Variants in VMP1 observed in about 807,000 individuals in gnomAD.
The protein encoded by VMP1 is ectopic P-granules autophagy protein 3 homolog.
In VMP1, 11 loss-of-function variants were observed where a neutral mutation model predicts 56.0. The observed-to-expected ratio is 0.20, with a 90% CI of 0.12 to 0.32. VMP1 has a LOEUF of 0.32. Among genes scored for constraint, VMP1 ranks in the 10% least tolerant of loss-of-function variants. The pLI, the probability that VMP1 is intolerant of heterozygous loss-of-function variation, is 1.00. For synonymous variants in VMP1, 149 were observed against 165.0 expected, an observed-to-expected ratio of 0.90 and a Z score of 0.74; for missense variants, 296 against 490.3, an observed-to-expected ratio of 0.60 and a Z score of 3.74.
chr17:59,776,275 T>C (rs2036614921), intron 7 of VMP1, among the ~76,000 whole-genome samples: 1 of 152,072 alleles, frequency 6.6e-6, no homozygotes, highest in Admixed American at 6.6e-5. Flanking sequence ...TTTAATTAAA[T>C]ACAAAACTTT....
At position 59,839,748 on chromosome 17, in the gene VMP1, T is replaced by C; in HGVS notation, c.1078-20T>C. ...TAATGAAGCCTTTTTCATTGCATTG[T>C]TCTGCATTTATTTCTACAGGGAGAA... On this transcript the variant is annotated intron_variant, in intron 11 of 11. Coordinates refer to ENST00000262291, the MANE Select transcript of VMP1 (RefSeq NM_030938.5). 1 of 1,605,448 alleles carries C rather than the reference T, an allele frequency of 6.2e-7. No homozygotes were observed. The highest frequency in any genetic ancestry group is 8.5e-7 in the Non-Finnish European group (1 of 1,177,896).
intron 7 of VMP1, among the ~76,000 whole-genome samples, chr17:59,781,123 T>A (rs985438400): frequency 3.3e-5 from 5 of 152,216 alleles, no homozygotes; most frequent in African/African-American, 1.2e-4. Flanking sequence ...TTATAAATTA[T>A]CTGAGAGAGT....
intron 7 of VMP1, among the ~76,000 whole-genome samples, chr17:59,796,542 G>A (rs992491605): frequency 6.6e-6 from 1 of 152,004 alleles, no homozygotes; most frequent in Non-Finnish European, 1.5e-5. Context: ...TCTGAAAAAG[G>A]TTTCAATTTT....
At chr17:59,740,513 C>T (rs1035991783) in intron 5 of VMP1, among the ~76,000 whole-genome samples, 3 of 152,114 alleles carry the variant, frequency 2.0e-5, no homozygotes, top group African/African-American at 7.2e-5. Flanking sequence ...CTGCTTGGCT[C>T]AGAAGGGTAC....
At chr17:59,795,540 G>C (rs993933446) in intron 7 of VMP1, among the ~76,000 whole-genome samples, 3 of 146,764 alleles carry the variant, frequency 2.0e-5, no homozygotes, top group African/African-American at 7.6e-5. Flanking sequence ...GGTCGGGCAT[G>C]GTGGCTCATG....
intron 9 of VMP1, among the ~76,000 whole-genome samples, chr17:59,815,888 C>G (rs1402580615): frequency 6.8e-6 from 1 of 147,398 alleles, no homozygotes; most frequent in African/African-American, 2.5e-5. Flanking sequence ...ATTCTTCTTT[C>G]CAATGAAGGA....
chr17:59,717,490 C>T (rs1479707475), intron 1 of VMP1, among the ~76,000 whole-genome samples: 1 of 152,072 alleles, frequency 6.6e-6, no homozygotes, highest in African/African-American at 2.4e-5. Context: ...TCAAGCGATT[C>T]TTGTGCCTCA....
rs577900952 is a variant in VMP1 at position 59,839,588 on chromosome 17, G to C, written c.1078-180G>C. The C allele has an allele frequency of 1.2e-4, 82 of 683,550 alleles. 3 individuals carry two copies. In the South Asian group the frequency reaches 1.8e-3, roughly 15 times the overall value. The allele number at this position is 683,550 out of a possible 1,614,324, so 42.3% of individuals were successfully genotyped here. ...TTTACATCCAACAAAGTGAAATCTTGATAGTTGGGTGTAAAAAGGAGAGTA... is the reference window on the plus strand; with the variant it reads ...TTTACATCCAACAAAGTGAAATCTTCATAGTTGGGTGTAAAAAGGAGAGTA... On this transcript the variant is annotated intron_variant, in intron 11 of 11. Transcript: ENST00000262291.
At chr17:59,735,505 A>G (rs778281077) in intron 3 of VMP1, 32 bp downstream of exon 3, 1 of 1,610,752 alleles carries the variant, frequency 6.2e-7, no homozygotes, top group Non-Finnish European at 8.5e-7. Flanking sequence ...CCTTTTACAT[A>G]CACCTCATTT....
chr17:59,799,691 A>T (rs1040640632), intron 7 of VMP1, among the ~76,000 whole-genome samples: 11 of 152,178 alleles, frequency 7.2e-5, no homozygotes, highest in Admixed American at 2.0e-4. Context: ...GGCCGGGCGC[A>T]GTGGCTCACG....
chr17:59,734,448 G>A (rs144703782), intron 2 of VMP1, among the ~76,000 whole-genome samples: 301 of 152,294 alleles, frequency 2.0e-3, no homozygotes, highest in African/African-American at 7.0e-3. Flanking sequence ...ATAAAACTTA[G>A]GGGCTTGGCT....
rs745374306 is a variant in VMP1 at position 59,764,925 on chromosome 17, A to ATTT, written c.415-42_415-40dup. ...ATTTTTAAAATAATGTGTATTGATAATTTTTTAATAGTTCTTATCAGAAGT... is the reference window on the plus strand; with the variant it reads ...ATTTTTAAAATAATGTGTATTGATAATTTTTTTTTAATAGTTCTTATCAGAAGT... On this transcript the variant is annotated intron_variant, in intron 5 of 11. Transcript: ENST00000262291. 4 of 1,396,756 alleles carry ATTT rather than the reference A, an allele frequency of 2.9e-6. No individual in the cohort carries two copies. In the South Asian group the frequency reaches 5.5e-5, roughly 19 times the overall value. 86.5% of individuals were successfully genotyped at this position (1,396,756 alleles called of 1,614,324 possible). A position where few individuals can be genotyped will look rare whatever the true frequency, so the allele number is the denominator to read the frequency against.
chr17:59,742,951 T>TAAGACAA (rs2035283491), intron 5 of VMP1, among the ~76,000 whole-genome samples: 1 of 152,160 alleles, frequency 6.6e-6, no homozygotes, highest in African/African-American at 2.4e-5. Context: ...CTCAGGTCTG[T>TAAGACAA]GGAAAACTTG....
chr17:59,806,033 T>G (rs1352013495), intron 7 of VMP1, among the ~76,000 whole-genome samples: 1 of 152,158 alleles, frequency 6.6e-6, no homozygotes, highest in Non-Finnish European at 1.5e-5. Context: ...TAATTAAAAT[T>G]TCATAACTAG....
At chr17:59,828,374 G>A (rs140279605) in intron 10 of VMP1, among the ~76,000 whole-genome samples, 2 of 152,330 alleles carry the variant, frequency 1.3e-5, no homozygotes, top group African/African-American at 2.4e-5. Flanking sequence ...AAAATATGCT[G>A]TAAGGCAGTA....
chr17:59,763,474 CACA>C (rs1395623191), intron 5 of VMP1, among the ~76,000 whole-genome samples: 9 of 152,012 alleles, frequency 5.9e-5, no homozygotes, highest in Non-Finnish European at 1.3e-4. Context: ...GCTAAAACTT[CACA>C]TCGATTTTTT....
intron 7 of VMP1, among the ~76,000 whole-genome samples, chr17:59,798,729 A>G (rs553523918): frequency 6.6e-6 from 1 of 152,106 alleles, no homozygotes; most frequent in Non-Finnish European, 1.5e-5. Flanking sequence ...TCCACTAAAA[A>G]TACAAAATTA....
intron 7 of VMP1, among the ~76,000 whole-genome samples, chr17:59,778,125 A>G (rs1598380717): frequency 6.6e-6 from 1 of 152,246 alleles, no homozygotes; most frequent in East Asian, 1.9e-4. Flanking sequence ...TGCTGTTAAC[A>G]TATTTATTTT....
At chr17:59,730,922 A>G (rs1353069582) in intron 1 of VMP1, among the ~76,000 whole-genome samples, 1 of 152,020 alleles carries the variant, frequency 6.6e-6, no homozygotes, top group Non-Finnish European at 1.5e-5. Flanking sequence ...AGATTTATGT[A>G]TCAACAGTTG....
Sources: gnomAD v4.1 joint callset for allele counts (sites outside exome capture counted in the v4.1 genomes callset) on GRCh38, gnomAD v4.1.1 for gene constraint, MANE v1.5 for transcripts, NCBI Gene and HGNC (gene_info 2026-07-23, HGNC 2026-07-21) for gene names.